EPHA6: variants seen among roughly 807,000 people sequenced by gnomAD.
EPHA6 encodes ephrin type-A receptor 6.
Under a neutral mutation model 112.0 loss-of-function variants are expected in EPHA6, and 50 were observed. The observed-to-expected ratio is 0.45, with a 90% CI of 0.36 to 0.56. The LOEUF (loss-of-function observed/expected upper bound fraction) is 0.56, where lower values mean the gene tolerates loss of function less well. Ranked by LOEUF, EPHA6 falls within the 20% of genes least tolerant of loss-of-function variation. EPHA6 has a pLI of 0.00. For missense variants in EPHA6, 1,280 were observed against 1,417.4 expected, an observed-to-expected ratio of 0.90 and a Z score of 1.56; for synonymous variants, 529 against 490.7, an observed-to-expected ratio of 1.08 and a Z score of -1.03.
At chr3:97,308,162 T>G (rs2081398798) in intron 5 of EPHA6, among the ~76,000 whole-genome samples, 3 of 151,730 alleles carry the variant, frequency 2.0e-5, no homozygotes, top group African/African-American at 7.2e-5. Flanking sequence ...GGCTTTCCCT[T>G]TTCTAATTCC....
At chr3:97,327,652 G>A (rs2082501634) in intron 5 of EPHA6, among the ~76,000 whole-genome samples, 1 of 151,548 alleles carries the variant, frequency 6.6e-6, no homozygotes, top group African/African-American at 2.4e-5. Context: ...CTAAATACTG[G>A]CAAACATTAA....
intron 2 of EPHA6, among the ~76,000 whole-genome samples, chr3:96,888,524 A>G (rs900697039): frequency 2.2e-4 from 33 of 152,240 alleles, no homozygotes; most frequent in African/African-American, 7.7e-4. Context: ...TGGCAGGCTC[A>G]ACACCACGTG....
At chr3:97,033,171 T>A (rs1018305563) in intron 3 of EPHA6, among the ~76,000 whole-genome samples, 1 of 152,006 alleles carries the variant, frequency 6.6e-6, no homozygotes, top group Non-Finnish European at 1.5e-5. Context: ...TTGGAAAGGT[T>A]GTTATGAGAT....
intron 1 of EPHA6, among the ~76,000 whole-genome samples, chr3:96,848,164 G>C (rs767679533): frequency 6.6e-6 from 1 of 151,876 alleles, no homozygotes; most frequent in Non-Finnish European, 1.5e-5. Flanking sequence ...TAATATGCTT[G>C]TTTTACTTAG....
intron 14 of EPHA6, among the ~76,000 whole-genome samples, chr3:97,663,594 T>C (rs2094185011): frequency 6.6e-6 from 1 of 151,866 alleles, no homozygotes; most frequent in South Asian, 2.1e-4. Context: ...GTTTGGTTTT[T>C]TGTCCTTGCA....
chr3:96,854,593 T>A (rs1272812051), intron 1 of EPHA6, among the ~76,000 whole-genome samples: 1 of 152,174 alleles, frequency 6.6e-6, no homozygotes, highest in Non-Finnish European at 1.5e-5. Context: ...CCTAGTGGAT[T>A]GTTTTTATAT....
intron 2 of EPHA6, among the ~76,000 whole-genome samples, chr3:96,973,912 A>G (rs1023463926): frequency 9.6e-5 from 14 of 146,236 alleles, no homozygotes; most frequent in Admixed American, 9.0e-4. Flanking sequence ...ATGATATAAT[A>G]GATTCTGTAT....
Position 97,610,836 on chromosome 3 carries a change from C to T in EPHA6, c.2556C>T (p.Ser852=). The T allele has an allele frequency of 1.9e-6, 3 of 1,611,372 alleles. No homozygotes were observed. Among genetic ancestry groups the T allele is most frequent in the Non-Finnish European group, 2.5e-6 (3 of 1,178,248 alleles). ...MIVVEYMENG[S]LDSFLRKHDG... ...TGGTGGAATATATGGAGAATGGATC[C>T]CTAGACTCCTTTTTGCGGGTGAGGT... Residue 852 remains serine, a synonymous_variant, in exon 13 of 18, where the codon TCC becomes TCT. Coordinates refer to ENST00000389672, the MANE Select transcript of EPHA6 (RefSeq NM_001080448.3).
chr3:97,117,952 G>A (rs1229725955), intron 3 of EPHA6, among the ~76,000 whole-genome samples: 1 of 151,698 alleles, frequency 6.6e-6, no homozygotes, highest in Non-Finnish European at 1.5e-5. Context: ...TTCCTTTAGT[G>A]TTTGGCACAG....
chr3:96,962,776 C>A (rs2041991031), intron 2 of EPHA6, among the ~76,000 whole-genome samples: 1 of 151,804 alleles, frequency 6.6e-6, no homozygotes. Context: ...CTTTGAATCC[C>A]ATTTAGTAAT....
chr3:97,305,921 T>A (rs2081300082), intron 5 of EPHA6, among the ~76,000 whole-genome samples: 1 of 151,600 alleles, frequency 6.6e-6, no homozygotes, highest in South Asian at 2.1e-4. Flanking sequence ...AAAATTGCCA[T>A]AAGAAATAAA....
chr3:96,924,440 C>T (rs987482151), intron 2 of EPHA6, among the ~76,000 whole-genome samples: 3 of 152,080 alleles, frequency 2.0e-5, no homozygotes, highest in Non-Finnish European at 4.4e-5. Context: ...ATTTGGCTCT[C>T]TGCTTGCCTG....
At chr3:97,635,916 T>C (rs905781773) in intron 13 of EPHA6, among the ~76,000 whole-genome samples, 2 of 152,062 alleles carry the variant, frequency 1.3e-5, no homozygotes, top group Non-Finnish European at 1.5e-5. Flanking sequence ...TCATCATATA[T>C]GTAGGAGCAT....
At chr3:97,224,357 T>C (rs1347722039) in intron 3 of EPHA6, among the ~76,000 whole-genome samples, 1 of 152,190 alleles carries the variant, frequency 6.6e-6, no homozygotes, top group Admixed American at 6.5e-5. Context: ...ATTCTAAATA[T>C]CTTAGGAGAT....
chr3:97,680,298 A>G (rs2060017399), intron 14 of EPHA6, among the ~76,000 whole-genome samples: 1 of 152,232 alleles, frequency 6.6e-6, no homozygotes, highest in Admixed American at 6.5e-5. Context: ...ATGGCTTACT[A>G]TGCTCTCTCT....
At chr3:97,008,575 G>GT (rs1410960955) in intron 3 of EPHA6, among the ~76,000 whole-genome samples, 1 of 152,106 alleles carries the variant, frequency 6.6e-6, no homozygotes, top group Non-Finnish European at 1.5e-5. Context: ...GCTCATCATA[G>GT]TTTTTTATTA....
intron 6 of EPHA6, among the ~76,000 whole-genome samples, chr3:97,407,538 A>G (rs1043751654): frequency 1.4e-4 from 22 of 152,006 alleles, no homozygotes; most frequent in African/African-American, 5.3e-4. Context: ...GAAAGAAAAC[A>G]TATTGCTTTA....
At chr3:97,562,959 A>G (rs1385588989) in intron 11 of EPHA6, among the ~76,000 whole-genome samples, 1 of 152,148 alleles carries the variant, frequency 6.6e-6, no homozygotes, top group Non-Finnish European at 1.5e-5. Flanking sequence ...CAAATACAAA[A>G]TATGTATTTT....
intron 3 of EPHA6, among the ~76,000 whole-genome samples, chr3:97,120,555 T>C (rs1192104721): frequency 6.6e-6 from 1 of 151,514 alleles, no homozygotes; most frequent in East Asian, 1.9e-4. Flanking sequence ...GAGGAGTAGG[T>C]TTAAAAAATT....
Sources: gnomAD v4.1 joint callset for allele counts (sites outside exome capture counted in the v4.1 genomes callset) on GRCh38, gnomAD v4.1.1 for gene constraint, MANE v1.5 for transcripts, NCBI Gene and HGNC (gene_info 2026-07-23, HGNC 2026-07-21) for gene names.